DPT: variants seen among roughly 807,000 people sequenced by gnomAD.
DPT encodes the protein dermatopontin.
A neutral mutation model predicts 31.2 loss-of-function variants in DPT; 21 were observed. The ratio of observed to expected loss-of-function variants is 0.67; its 90% CI spans 0.48 to 0.97. The LOEUF (loss-of-function observed/expected upper bound fraction) is 0.97, where lower values mean the gene tolerates loss of function less well. Among genes scored for constraint, DPT ranks in the 50% least tolerant of loss-of-function variants. DPT has a pLI of 0.00. For missense variants in DPT, 262 were observed against 258.8 expected (o/e 1.01, Z -0.08); for synonymous variants, 91 against 86.9 (o/e 1.05, Z -0.26).
At chr1:168,705,475 A>G (rs902555507) in intron 2 of DPT, among the ~76,000 whole-genome samples, 1 of 152,158 alleles carries the variant, frequency 6.6e-6, no homozygotes, top group African/African-American at 2.4e-5. Flanking sequence ...CTACCATAAA[A>G]ACTGGAAAAA....
At position 168,696,032 on chromosome 1, in the gene DPT, T is replaced by C; in HGVS notation, c.*517A>G. The C allele has an allele frequency of 2.5e-6, 1 of 395,804 alleles. No homozygotes were observed. The highest frequency in any genetic ancestry group is 4.4e-6 in the Non-Finnish European group (1 of 224,858). The allele number at this position is 395,804 out of a possible 1,614,324, so 24.5% of individuals were successfully genotyped here. ...GCAAAGAGCTCTGCACTTGGATTGC[T>C]AAGCATGCATGGCTCATGTGGAGCA... On this transcript the variant is annotated 3_prime_UTR_variant, in exon 4 of 4. Coordinates refer to ENST00000367817, the MANE Select transcript of DPT (RefSeq NM_001937.5).
At chr1:168,722,213 T>C (rs575373008) in intron 1 of DPT, among the ~76,000 whole-genome samples, 20 of 152,342 alleles carry the variant, frequency 1.3e-4, no homozygotes, top group Admixed American at 2.6e-4. Flanking sequence ...AATTATAATA[T>C]TTTTAAACAA....
In DPT at chr1:168,696,461, T is replaced by C; in HGVS notation, c.*88A>G. The stretch of plus-strand genomic sequence containing the variant: ...AAGGAAAGAGAGCAGCAGAAACTTC[T>C]ATAGGAGATCCAACTGATGTTAACA... On this transcript the variant is annotated 3_prime_UTR_variant, in exon 4 of 4. Transcript: ENST00000367817. 8.5e-7 allele frequency: 1 copy of C among 1,169,712 alleles called. No homozygotes were observed. Among genetic ancestry groups the C allele is most frequent in the South Asian group, 1.5e-5 (1 of 66,992 alleles). The allele number at this position is 1,169,712 out of a possible 1,614,324, so 72.5% of individuals were successfully genotyped here.
At chr1:168,702,618 T>C (rs1327017759) in intron 2 of DPT, among the ~76,000 whole-genome samples, 2 of 150,596 alleles carry the variant, frequency 1.3e-5, no homozygotes, top group Non-Finnish European at 3.0e-5. Context: ...ATGTCTTTTT[T>C]TTTTTTTTTT....
chr1:168,710,789 C>T (rs939556727), intron 2 of DPT, among the ~76,000 whole-genome samples: 25 of 152,006 alleles, frequency 1.6e-4, no homozygotes, highest in African/African-American at 4.3e-4. Context: ...ATTAAAACAA[C>T]GGTGGAACTG....
intron 2 of DPT, among the ~76,000 whole-genome samples, chr1:168,708,339 G>A (rs943387705): frequency 1.3e-5 from 2 of 152,140 alleles, no homozygotes; most frequent in African/African-American, 4.8e-5. Flanking sequence ...GCAGATGAAA[G>A]GGATGATAGA....
rs749307060 is a variant in DPT, at chr1:168,729,047, C to G, written c.128G>C (p.Arg43Pro). The G allele has an allele frequency of 6.2e-7, 1 of 1,614,226 alleles. No individual in the cohort carries two copies. The highest frequency in any genetic ancestry group is 1.7e-5 in the Admixed American group (1 of 60,028). ...GGGACACTGGTAGCTGAAGCCTTGCCGGTTCAAATTCACCCACCCATCATC... is the reference window on the plus strand; with the variant it reads ...GGGACACTGGTAGCTGAAGCCTTGCGGGTTCAAATTCACCCACCCATCATC... Reference protein sequence around the residue: ...YSDDGWVNLNRQGFSYQCPQG... With the variant: ...YSDDGWVNLNPQGFSYQCPQG... The change falls in exon 1 of 4, where the codon CGG (arginine) becomes CCG (proline). Residue 43 changes from arginine to proline, a missense_variant. Transcript: ENST00000367817.
chr1:168,696,363 T>C lies in DPT; in HGVS notation c.*186A>G. On this transcript the variant is annotated 3_prime_UTR_variant, in exon 4 of 4. Transcript: ENST00000367817. ...AAAAGTGAGAAACATGGTTTAATTG[T>C]GGATTTTATTAGAAGTGTGATACTA... is the stretch of plus-strand genomic sequence containing the variant. The C allele has an allele frequency of 1.7e-6, 1 of 590,378 alleles. No homozygotes were observed. Among genetic ancestry groups the C allele is most frequent in the Non-Finnish European group, 3.0e-6 (1 of 334,038 alleles). 36.6% of individuals were successfully genotyped at this position (590,378 alleles called of 1,614,324 possible).
At chr1:168,723,419 G>C (rs535624590) in intron 1 of DPT, among the ~76,000 whole-genome samples, 53 of 152,252 alleles carry the variant, frequency 3.5e-4, no homozygotes, top group Middle Eastern at 3.4e-3. Context: ...CATCTTCCTG[G>C]GGCCTGGGAA....
chr1:168,725,731 A>G (rs549192497), intron 1 of DPT, among the ~76,000 whole-genome samples: 1 of 152,350 alleles, frequency 6.6e-6, no homozygotes, highest in East Asian at 1.9e-4. Flanking sequence ...CCACTCAGCT[A>G]TGATGGCAAC....
intron 1 of DPT, among the ~76,000 whole-genome samples, chr1:168,719,680 T>G (rs1650058155): frequency 1.3e-5 from 2 of 151,862 alleles, no homozygotes; most frequent in African/African-American, 2.4e-5. Flanking sequence ...ATGGCTAATA[T>G]CCTGGTGAAT....
intron 1 of DPT, among the ~76,000 whole-genome samples, chr1:168,724,968 A>T (rs1572633775): frequency 6.6e-6 from 1 of 152,236 alleles, no homozygotes; most frequent in East Asian, 1.9e-4. Context: ...GATACCAATA[A>T]ATGGACCACT....
chr1:168,723,430 AGTTTG>A (rs1650166595), intron 1 of DPT, among the ~76,000 whole-genome samples: 1 of 152,226 alleles, frequency 6.6e-6, no homozygotes, highest in Non-Finnish European at 1.5e-5. Flanking sequence ...GGCCTGGGAA[AGTTTG>A]TGCTAATAAG....
chr1:168,721,991 A>G (rs960767122), intron 1 of DPT, among the ~76,000 whole-genome samples: 9 of 152,230 alleles, frequency 5.9e-5, no homozygotes, highest in African/African-American at 2.2e-4. Flanking sequence ...AGAAAGACCT[A>G]GCACAGGACA....
At position 168,696,261 on chromosome 1, in the gene DPT, G is replaced by A. The variant is rs1391472218; in HGVS notation, c.*288C>T. The A allele has an allele frequency of 6.9e-6, 3 of 431,692 alleles. No homozygotes were observed. Among genetic ancestry groups the A allele is most frequent in the East Asian group, 6.8e-5 (2 of 29,388 alleles). 26.7% of individuals were successfully genotyped at this position (431,692 alleles called of 1,614,324 possible). On this transcript the variant is annotated 3_prime_UTR_variant, in exon 4 of 4. Transcript: ENST00000367817. ...CAGCTGGTGCTCCAGAAGCCCGGCT[G>A]TAAGCATGCGCACTGTATATGTGGT...
chr1:168,704,010 A>G (rs986373389), intron 2 of DPT, among the ~76,000 whole-genome samples: 1 of 152,192 alleles, frequency 6.6e-6, no homozygotes. Flanking sequence ...AAGAATTTAA[A>G]CGTTCAGAAC....
intron 3 of DPT, among the ~76,000 whole-genome samples, chr1:168,700,359 C>T (rs1396626443): frequency 6.6e-6 from 1 of 152,164 alleles, no homozygotes; most frequent in Non-Finnish European, 1.5e-5. Flanking sequence ...TTTCCAGCTT[C>T]CAGAACTGTG....
At chr1:168,711,098 C>T (rs1017384665) in intron 2 of DPT, among the ~76,000 whole-genome samples, 5 of 151,802 alleles carry the variant, frequency 3.3e-5, no homozygotes, top group Middle Eastern at 3.4e-3. Context: ...GCGAGCTCCA[C>T]CTCCTGGGTT....
At chr1:168,727,447 C>T (rs930711092) in intron 1 of DPT, among the ~76,000 whole-genome samples, 3 of 152,180 alleles carry the variant, frequency 2.0e-5, no homozygotes, top group Admixed American at 2.0e-4. Context: ...GGCTCCCCCA[C>T]CCATCGGTGT....
Sources: gnomAD v4.1 joint callset for allele counts (sites outside exome capture counted in the v4.1 genomes callset) on GRCh38, gnomAD v4.1.1 for gene constraint, MANE v1.5 for transcripts, NCBI Gene and HGNC (gene_info 2026-07-23, HGNC 2026-07-21) for gene names.